The following FYB1 variants were observed in gnomAD, a reference collection of about 807,000 sequenced individuals.
FYB1 encodes the protein FYN-binding protein 1.
A neutral mutation model predicts 94.1 loss-of-function variants in FYB1; 41 were observed. The ratio of observed to expected loss-of-function variants is 0.44; its 90% CI spans 0.34 to 0.57. The LOEUF is 0.57. Ranked by LOEUF, FYB1 falls within the 20% of genes least tolerant of loss-of-function variation. FYB1 has a pLI of 0.02. For missense variants in FYB1, 1,050 were observed against 976.8 expected (o/e 1.07, Z -1.00); for synonymous variants, 367 against 353.2 (o/e 1.04, Z -0.44).
intron 9 of FYB1, 40 bp from the exon 10 acceptor site, chr5:39,130,652 T>C (rs764823098): frequency 2.3e-5 from 34 of 1,482,608 alleles, no homozygotes. Context: ...AATCTATGAA[T>C]TACTTAGCTA....
At chr5:39,264,397 A>G (rs1752345031) in intron 1 of FYB1, among the ~76,000 whole-genome samples, 1 of 152,194 alleles carries the variant, frequency 6.6e-6, no homozygotes, top group Non-Finnish European at 1.5e-5. Context: ...GCAAAACTGT[A>G]AAAAATAAAT....
chr5:39,186,025 T>C (rs1475219702), intron 2 of FYB1, among the ~76,000 whole-genome samples: 1 of 152,116 alleles, frequency 6.6e-6, no homozygotes, highest in African/African-American at 2.4e-5. Flanking sequence ...GAAGACTGGC[T>C]GTCAAAGTGC....
At chr5:39,169,403 C>G in intron 2 of FYB1, 1 of 753,524 alleles carries the variant, frequency 1.3e-6, no homozygotes, top group South Asian at 1.3e-5. Flanking sequence ...ACATTCCTGC[C>G]AGATTAGTTT....
At chr5:39,161,933 T>C (rs1398935154) in intron 2 of FYB1, among the ~76,000 whole-genome samples, 6 of 152,260 alleles carry the variant, frequency 3.9e-5, no homozygotes, top group Non-Finnish European at 1.5e-5. Context: ...ATATTTCATG[T>C]CAACAGAATC....
intron 2 of FYB1, among the ~76,000 whole-genome samples, chr5:39,173,836 G>A (rs1042310890): frequency 6.6e-6 from 1 of 152,094 alleles, no homozygotes; most frequent in African/African-American, 2.4e-5. Context: ...TGCTCTTTGG[G>A]TTACTGTAAC....
chr5:39,123,509 A>AT (rs1394657301), intron 13 of FYB1, among the ~76,000 whole-genome samples: 2 of 152,096 alleles, frequency 1.3e-5, no homozygotes, highest in South Asian at 2.1e-4. Flanking sequence ...AATATTATAG[A>AT]TTAGAACACA....
In FYB1 at chr5:39,130,619, A is replaced by G. The variant is rs1389490454; in HGVS notation, c.1818-7T>C. The G allele has an allele frequency of 2.3e-5, 36 of 1,570,280 alleles. No homozygotes were observed. Among genetic ancestry groups the G allele is most frequent in the Non-Finnish European group, 3.0e-5 (35 of 1,155,034 alleles). On this transcript the variant is annotated splice_polypyrimidine_tract_variant and splice_region_variant and intron_variant, in intron 9 of 18. Transcript: ENST00000512982. ...ACTTCCACTCTGACTGTGGCTAGAAAAGAAACCCAGAAATATTAAGTTAAT... is the reference window on the plus strand; with the variant it reads ...ACTTCCACTCTGACTGTGGCTAGAAGAGAAACCCAGAAATATTAAGTTAAT...
At chr5:39,248,144 T>TA (rs1484155483) in intron 1 of FYB1, among the ~76,000 whole-genome samples, 1 of 152,186 alleles carries the variant, frequency 6.6e-6, no homozygotes, top group Non-Finnish European at 1.5e-5. Context: ...AAAAGGGACT[T>TA]ACATGTTGAA....
intron 2 of FYB1, among the ~76,000 whole-genome samples, chr5:39,181,018 C>T (rs1463379141): frequency 6.6e-6 from 1 of 152,158 alleles, no homozygotes. Flanking sequence ...TTGCCAAGCA[C>T]ACAGTTCAAA....
intron 2 of FYB1, among the ~76,000 whole-genome samples, chr5:39,190,457 G>C (rs1747253090): frequency 6.6e-6 from 1 of 152,030 alleles, no homozygotes; most frequent in African/African-American, 2.4e-5. Flanking sequence ...GGGAGAGCAG[G>C]GCCCCCAGCT....
chr5:39,213,533 G>A (rs1381573204), intron 1 of FYB1, among the ~76,000 whole-genome samples: 1 of 152,200 alleles, frequency 6.6e-6, no homozygotes, highest in Non-Finnish European at 1.5e-5. Flanking sequence ...AACAGAGCAA[G>A]GCATGGGGTT....
At chr5:39,209,517 G>A (rs10941425) in intron 1 of FYB1, among the ~76,000 whole-genome samples, 96,289 of 151,712 alleles carry the variant, frequency 0.63, 35,058 homozygotes, top group Non-Finnish European at 0.82. Flanking sequence ...ATAGAGATGG[G>A]GTCTCACCAT....
intron 4 of FYB1, 45 bp downstream of exon 4, chr5:39,141,050 C>A: frequency 7.3e-7 from 1 of 1,369,804 alleles, no homozygotes; most frequent in Non-Finnish European, 1.0e-6. Context: ...AACTTCTGTA[C>A]CTGAGTTTAC....
At chr5:39,264,336 C>A (rs983968936) in intron 1 of FYB1, among the ~76,000 whole-genome samples, 5 of 152,124 alleles carry the variant, frequency 3.3e-5, no homozygotes, top group Non-Finnish European at 5.9e-5. Context: ...GCAAGAGGGC[C>A]CTTACAAGAC....
At chr5:39,244,071 A>G (rs1448745080) in intron 1 of FYB1, among the ~76,000 whole-genome samples, 3 of 152,132 alleles carry the variant, frequency 2.0e-5, no homozygotes, top group East Asian at 3.8e-4. Flanking sequence ...TAAATATACA[A>G]TCATGTCATC....
chr5:39,203,170 AGGCTAT>A (rs1748534300), intron 1 of FYB1, 183 bp from the exon 2 acceptor site: 2 of 597,646 alleles, frequency 3.3e-6, no homozygotes, highest in South Asian at 4.5e-5. Flanking sequence ...TGAAAGAGGA[AGGCTAT>A]GGTTGTGCAT....
intron 1 of FYB1, among the ~76,000 whole-genome samples, chr5:39,246,218 T>G (rs1751472574): frequency 6.6e-6 from 1 of 152,246 alleles, no homozygotes; most frequent in Admixed American, 6.5e-5. Context: ...TAGGGGACCC[T>G]GTGGCAAAGA....
chr5:39,170,406 C>T, intron 2 of FYB1: 2 of 544,306 alleles, frequency 3.7e-6, no homozygotes, highest in Non-Finnish European at 6.3e-6. Context: ...TGTCGCCGTC[C>T]TGGGCCGGAC....
rs762754008 is a variant in FYB1, at chr5:39,134,282, A to G, written c.1743T>C (p.Leu581=). 1.9e-6 allele frequency: 3 copies of G among 1,611,644 alleles called. No homozygotes were observed. In the Admixed American group the frequency reaches 5.0e-5, roughly 27 times the overall value. The change falls in exon 9 of 19, where the codon CTT becomes CTC. Residue 581 remains leucine (L), a synonymous_variant. Coordinates refer to ENST00000512982, the MANE Select transcript of FYB1 (RefSeq NM_001465.6). ...YDSLKLKKDS[L]GAPSRPIEDD... ...CTTCAATAGGTCTTGAAGGGGCACC[A>G]AGAGAGTCTTTTTTCAGTTTCAAAG...
Sources: gnomAD v4.1 joint callset for allele counts (sites outside exome capture counted in the v4.1 genomes callset) on GRCh38, gnomAD v4.1.1 for gene constraint, MANE v1.5 for transcripts, NCBI Gene and HGNC (gene_info 2026-07-23, HGNC 2026-07-21) for gene names.